The following SARDH variants were observed in gnomAD, a reference collection of about 807,000 sequenced individuals.
SARDH encodes sarcosine dehydrogenase, mitochondrial.
In SARDH, 95 loss-of-function variants were observed where a neutral mutation model predicts 109.1. The ratio of observed to expected loss-of-function variants is 0.87; its 90% CI spans 0.74 to 1.03. SARDH has a LOEUF of 1.03. Among genes scored for constraint, SARDH ranks in the 50% least tolerant of loss-of-function variants. The pLI, the probability that SARDH is intolerant of heterozygous loss-of-function variation, is 0.00. For synonymous variants in SARDH, 572 were observed against 534.8 expected, an observed-to-expected ratio of 1.07 and a Z score of -0.96; for missense variants, 1,267 against 1,287.8, an observed-to-expected ratio of 0.98 and a Z score of 0.25.
rs1465238373 is a variant in SARDH, at chr9:133,670,600, A to G, written c.2479T>C (p.Cys827Arg). 46 of 1,575,244 alleles carry G rather than the reference A, an allele frequency of 2.9e-5. No homozygotes were observed. The highest frequency in any genetic ancestry group is 3.5e-5 in the Non-Finnish European group (41 of 1,160,744). Reference sequence around the variant, plus strand: ...GATACTCACTCCTCCATGGTGAAGCACACCAGGCGCCGGCGGAGGCCTGCG... The same window carrying G: ...GATACTCACTCCTCCATGGTGAAGCGCACCAGGCGCCGGCGGAGGCCTGCG... ...RAAGLRRRLV[C>R]FTMEDKVPMF... The change falls in exon 19 of 21, where the codon TGC (cysteine) becomes CGC (arginine). Residue 827 changes from cysteine (C) to arginine (R), a missense_variant. Physicochemically the swap from Cys to Arg is radical, Grantham distance 180 (BLOSUM62 -3). Coordinates refer to ENST00000439388, the MANE Select transcript of SARDH (RefSeq NM_001134707.2).
In SARDH at chr9:133,666,824, C is replaced by T. The variant is rs1319555363; in HGVS notation, c.2542G>A (p.Val848Met). 8 of 1,610,362 alleles carry T rather than the reference C, an allele frequency of 5.0e-6. No homozygotes were observed. Among genetic ancestry groups the T allele is most frequent in the Non-Finnish European group, 6.8e-6 (8 of 1,178,608 alleles). The change falls in exon 20 of 21, where the codon GTG becomes ATG. Residue 848 changes from valine to methionine, a missense_variant. Val to Met is a conservative substitution (Grantham distance 21). Coordinates refer to ENST00000439388, the MANE Select transcript of SARDH (RefSeq NM_001134707.2). This position sits in a 1 kb window ranked among gnomAD's most constrained non-coding sequence, Gnocchi z 5.2. Reference sequence around the variant, plus strand: ...TCAGCCCTCCGGACATGGCCCACCACTTGGCCGTTCCTCCAGATGGCCTCC... The same window carrying T: ...TCAGCCCTCCGGACATGGCCCACCATTTGGCCGTTCCTCCAGATGGCCTCC... ...GLEAIWRNGQ[V>M]VGHVRRADFG...
chr9:133,667,040 C>A, intron 19 of SARDH, 170 bp from the exon 20 acceptor site: 1 of 792,672 alleles, frequency 1.3e-6, no homozygotes, highest in Non-Finnish European at 2.1e-6. Flanking sequence ...AGCCCAGCAC[C>A]TGGCCTGGAC....
chr9:133,682,444 C>A (rs1830729303), intron 17 of SARDH, among the ~76,000 whole-genome samples: 1 of 152,216 alleles, frequency 6.6e-6, no homozygotes, highest in Non-Finnish European at 1.5e-5. Flanking sequence ...GGGGTTTTCG[C>A]TAACTCATTG....
intron 11 of SARDH, among the ~76,000 whole-genome samples, chr9:133,705,503 C>G (rs1487270713): frequency 6.6e-6 from 1 of 150,836 alleles, no homozygotes; most frequent in African/African-American, 2.4e-5. Context: ...CTGCTCTTGC[C>G]CCAGGAATCC....
intron 17 of SARDH, among the ~76,000 whole-genome samples, chr9:133,672,772 A>G (rs148878363): frequency 0.016 from 2,388 of 152,330 alleles, 18 homozygotes; most frequent in Non-Finnish European, 0.024. Context: ...CCTGCCTGGG[A>G]CGCCAGACCA....
At chr9:133,684,616 GCTGGCTCCGGACA>G (rs1354825646) in intron 17 of SARDH, among the ~76,000 whole-genome samples, 2 of 152,212 alleles carry the variant, frequency 1.3e-5, no homozygotes, top group Admixed American at 6.5e-5. Context: ...CCCATGGAGT[GCTGGCTCCGGACA>G]CTACCACCAT....
chr9:133,710,196 A>G (rs1831864222), intron 10 of SARDH, among the ~76,000 whole-genome samples: 1 of 152,234 alleles, frequency 6.6e-6, no homozygotes, highest in African/African-American at 2.4e-5. Context: ...GTCCACACGC[A>G]TGAGCCTCGA....
intron 10 of SARDH, among the ~76,000 whole-genome samples, chr9:133,711,410 C>G (rs547951132): frequency 6.6e-6 from 1 of 152,344 alleles, no homozygotes; most frequent in Non-Finnish European, 1.5e-5. Context: ...CTGTTTGCAG[C>G]AGGAGGGGCC....
At position 133,666,841 on chromosome 9, in the gene SARDH, A is replaced by G. The variant is rs764380524; in HGVS notation, c.2525T>C (p.Ile842Thr). 5.6e-6 allele frequency: 9 copies of G among 1,611,602 alleles called. No individual in the cohort carries two copies. In the South Asian group the frequency reaches 6.6e-5, roughly 12 times the overall value. ...DKVPMFGLEA[I>T]WRNGQVVGHV... ...GCCCACCACTTGGCCGTTCCTCCAG[A>G]TGGCCTCCAGGCCAAACATGGGTAC... Residue 842 changes from isoleucine to threonine, a missense_variant, in exon 20 of 21, where the codon ATC (isoleucine) becomes ACC (threonine). Transcript: ENST00000439388. The surrounding 1 kb of genome is among the most constrained non-coding windows in gnomAD (Gnocchi z 5.2).
intron 10 of SARDH, among the ~76,000 whole-genome samples, chr9:133,710,679 T>C (rs1466645621): frequency 1.3e-5 from 2 of 152,262 alleles, no homozygotes; most frequent in Admixed American, 1.3e-4. Flanking sequence ...TCGCTCTGTC[T>C]CTCTCCTTCA....
chr9:133,711,841 G>A (rs556058525), intron 10 of SARDH, among the ~76,000 whole-genome samples: 10 of 152,268 alleles, frequency 6.6e-5, no homozygotes, highest in African/African-American at 2.4e-4. Flanking sequence ...CACAACGCAC[G>A]GGGAGTGGCC....
At position 133,709,460 on chromosome 9, in the gene SARDH, C is replaced by G. The variant is rs926188774; in HGVS notation, c.1329-1032G>C. On this transcript the variant is annotated intron_variant, in intron 10 of 20. Coordinates refer to ENST00000439388, the MANE Select transcript of SARDH (RefSeq NM_001134707.2). This position sits in a 1 kb window ranked among gnomAD's most constrained non-coding sequence, Gnocchi z 4.2. ...TGTCAGCCCCCGGCTTTCCCAGCAC[C>G]CCGCCTCCCCCTCACGCTCCACCTG... Among the ~76,000 whole-genome samples the G allele has an allele frequency of 5.3e-5, 8 of 152,170 alleles. No homozygotes were observed. Among genetic ancestry groups the G allele is most frequent in the Non-Finnish European group, 1.0e-4 (7 of 68,036 alleles).
intron 6 of SARDH, among the ~76,000 whole-genome samples, chr9:133,724,379 A>T (rs985425083): frequency 8.5e-5 from 13 of 152,236 alleles, no homozygotes; most frequent in Admixed American, 4.6e-4. Flanking sequence ...TCCAAAGAAG[A>T]TACACAAATA....
chr9:133,707,130 C>T (rs1367577367), intron 11 of SARDH, among the ~76,000 whole-genome samples: 2 of 152,162 alleles, frequency 1.3e-5, no homozygotes, highest in Non-Finnish European at 2.9e-5. Context: ...TGTCAAGTGT[C>T]GCAAGAAGGC....
chr9:133,710,091 A>G (rs577398022), intron 10 of SARDH, among the ~76,000 whole-genome samples: 73 of 151,616 alleles, frequency 4.8e-4, no homozygotes, highest in African/African-American at 1.7e-3. Context: ...ATAAAGAGCA[A>G]CTCTTCCCTG....
intron 7 of SARDH, among the ~76,000 whole-genome samples, chr9:133,717,801 C>A (rs942316668): frequency 6.6e-6 from 1 of 152,232 alleles, no homozygotes; most frequent in Non-Finnish European, 1.5e-5. Context: ...CCACTGGGCC[C>A]GCCACCCTGA....
Position 133,675,017 on chromosome 9 carries a change from C to T in SARDH, c.2164-3320G>A, listed in dbSNP as rs367814968. Among the ~76,000 whole-genome samples the T allele has an allele frequency of 3.1e-4, 47 of 152,254 alleles. No homozygotes were observed. In the South Asian group the frequency reaches 7.1e-3, roughly 23 times the overall value. ...CAGACAGAACAAAGAACTCCTACAA[C>T]TTAACAATAAAAAGTCAAATACCAC... is the stretch of plus-strand genomic sequence containing the variant. On this transcript the variant is annotated intron_variant, in intron 17 of 20. Coordinates refer to ENST00000439388, the MANE Select transcript of SARDH (RefSeq NM_001134707.2).
At chr9:133,690,938 TG>T (rs1293376344) in intron 15 of SARDH, among the ~76,000 whole-genome samples, 1 of 152,038 alleles carries the variant, frequency 6.6e-6, no homozygotes, top group Non-Finnish European at 1.5e-5. Flanking sequence ...CCACAACATC[TG>T]GCCCCACAGG....
At position 133,702,985 on chromosome 9, in the gene SARDH, GT is replaced by G. The variant is rs754227855; in HGVS notation, c.1598del (p.His533ProfsTer89). 5 of 1,613,488 alleles carry G rather than the reference GT, an allele frequency of 3.1e-6. No individual in the cohort carries two copies. In the South Asian group the frequency reaches 4.4e-5, roughly 14 times the overall value. Reference protein sequence around the residue: ...DYYGAYGSRAHEDYAYRRLLA... With the variant: ...DYYGAYGSRAXEDYAYRRLLA... ...GCAGCCTGCGGTAGGCGTAGTCCTCGTGCGCGCGGCTCCCGTAAGCCCCGTA... is the reference window on the plus strand; with the variant it reads ...GCAGCCTGCGGTAGGCGTAGTCCTCGGCGCGCGGCTCCCGTAAGCCCCGTA... On this transcript the variant is annotated frameshift_variant, in exon 13 of 21. Coordinates refer to ENST00000439388, the MANE Select transcript of SARDH (RefSeq NM_001134707.2). LOFTEE classifies it high-confidence loss of function.
Sources: gnomAD v4.1 joint callset for allele counts (sites outside exome capture counted in the v4.1 genomes callset) on GRCh38, gnomAD v4.1.1 for gene constraint, Gnocchi (gnomAD v3.1) non-coding constraint, MANE v1.5 for transcripts, NCBI Gene and HGNC (gene_info 2026-07-23, HGNC 2026-07-21) for gene names.